SDK1: variants seen among roughly 807,000 people sequenced by gnomAD.
The protein encoded by SDK1 is sidekick cell adhesion molecule 1, also known as protein sidekick-1.
In SDK1, 157 loss-of-function variants were observed where a neutral mutation model predicts 245.5. The ratio of observed to expected loss-of-function variants is 0.64; its 90% CI spans 0.56 to 0.73. SDK1 has a LOEUF of 0.73. Ranked by LOEUF, SDK1 falls within the 30% of genes least tolerant of loss-of-function variation. SDK1 has a pLI of 0.00. For synonymous variants in SDK1, 1,647 were observed against 1,278.5 expected, an observed-to-expected ratio of 1.29 and a Z score of -6.15; for missense variants, 3,583 against 3,002.3, an observed-to-expected ratio of 1.19 and a Z score of -4.52.
At chr7:3,621,987 C>A (rs1015234540) in intron 2 of SDK1, among the ~76,000 whole-genome samples, 2 of 152,054 alleles carry the variant, frequency 1.3e-5, no homozygotes, top group African/African-American at 4.8e-5. Flanking sequence ...TATTATAAAG[C>A]AGGCTTTGTG....
chr7:4,181,044 C>T (rs774737509), intron 35 of SDK1, among the ~76,000 whole-genome samples: 9 of 152,192 alleles, frequency 5.9e-5, no homozygotes, highest in African/African-American at 1.2e-4. Flanking sequence ...CAACATCCAT[C>T]GCTGGAGCTG....
At chr7:3,518,757 G>A (rs1425138691) in intron 1 of SDK1, among the ~76,000 whole-genome samples, 1 of 151,988 alleles carries the variant, frequency 6.6e-6, no homozygotes. Context: ...TCACTATGGA[G>A]AGCAGAGTGG....
chr7:3,454,964 C>T (rs982839147), intron 1 of SDK1, among the ~76,000 whole-genome samples: 9 of 152,062 alleles, frequency 5.9e-5, no homozygotes, highest in Non-Finnish European at 1.3e-4. Context: ...TGAGTGGTAC[C>T]GTTTCTCTGT....
chr7:4,132,070 T>G (rs868408222), intron 27 of SDK1, among the ~76,000 whole-genome samples: 5 of 152,168 alleles, frequency 3.3e-5, no homozygotes, highest in African/African-American at 9.7e-5. Context: ...GCATAGTTCG[T>G]GAACCCTGCT....
chr7:3,571,980 G>A (rs1780130780), intron 1 of SDK1, among the ~76,000 whole-genome samples: 1 of 151,942 alleles, frequency 6.6e-6, no homozygotes, highest in African/African-American at 2.4e-5. Context: ...TCTGCTGTTA[G>A]GAAAAATTTT....
chr7:4,067,509 C>G (rs542794949), intron 19 of SDK1, among the ~76,000 whole-genome samples: 2 of 152,306 alleles, frequency 1.3e-5, no homozygotes, highest in East Asian at 3.9e-4. Flanking sequence ...TCAGAGGAGG[C>G]AGTTGCTCTT....
rs35136795 is a variant in SDK1 at position 3,321,794 on chromosome 7, T to TTCTCCC, written c.298+19912_298+19913insTCCCTC. On this transcript the variant is annotated intron_variant, in intron 1 of 44. Transcript: ENST00000404826. ...TCCTTCCTTCTCCTTCCTTCCTTCC[T>TTCTCCC]TCCTTCCTTCCTTCCTTCCTTCCTT... is the stretch of plus-strand genomic sequence containing the variant. Among the ~76,000 whole-genome samples the TTCTCCC allele has an allele frequency of 2.0e-4, 19 of 96,046 alleles. 2 individuals carry two copies. The highest frequency in any genetic ancestry group is 6.1e-4 in the African/African-American group (13 of 21,442). The allele number at this position is 96,046 out of a possible 152,430, so 63.0% of individuals were successfully genotyped here.
intron 1 of SDK1, among the ~76,000 whole-genome samples, chr7:3,515,839 A>C (rs60268542): frequency 0.23 from 34,513 of 152,130 alleles, 4,299 homozygotes; most frequent in East Asian, 0.33. Context: ...TCAGTTTTTG[A>C]AGATTGAAAC....
At chr7:4,136,133 C>T (rs1233660547) in intron 28 of SDK1, among the ~76,000 whole-genome samples, 2 of 152,174 alleles carry the variant, frequency 1.3e-5, no homozygotes, top group Non-Finnish European at 2.9e-5. Context: ...CTGAACGCTG[C>T]TGAATCACAC....
At chr7:4,220,412 C>A (rs1372874010) in intron 39 of SDK1, 142 bp downstream of exon 39, 1 of 825,554 alleles carries the variant, frequency 1.2e-6, no homozygotes. Context: ...GATGTCTGGG[C>A]AACATGGACG....
intron 4 of SDK1, among the ~76,000 whole-genome samples, chr7:3,772,887 C>A (rs2115001884): frequency 6.6e-6 from 1 of 152,178 alleles, no homozygotes; most frequent in Non-Finnish European, 1.5e-5. Context: ...TTCAAATTTT[C>A]TGATAACAAA....
chr7:3,748,292 G>T (rs569469570), intron 4 of SDK1, among the ~76,000 whole-genome samples: 1 of 152,192 alleles, frequency 6.6e-6, no homozygotes, highest in African/African-American at 2.4e-5. Context: ...CTTTTTTATA[G>T]TTCCTTTATT....
chr7:3,829,938 A>C (rs555963514), intron 5 of SDK1, among the ~76,000 whole-genome samples: 2 of 152,306 alleles, frequency 1.3e-5, no homozygotes, highest in East Asian at 3.9e-4. Flanking sequence ...TGGGAGATGC[A>C]CTGGAGTCAG....
At chr7:3,584,849 G>A (rs371315317) in intron 1 of SDK1, among the ~76,000 whole-genome samples, 22 of 151,742 alleles carry the variant, frequency 1.4e-4, no homozygotes, top group African/African-American at 4.6e-4. Context: ...TCAGCCTCCC[G>A]AGTAGCTGGG....
intron 13 of SDK1, among the ~76,000 whole-genome samples, chr7:3,975,737 A>G (rs1184568902): frequency 1.3e-5 from 2 of 152,248 alleles, no homozygotes; most frequent in East Asian, 3.8e-4. Flanking sequence ...CCTGAAAAAC[A>G]TCCCATCCCA....
chr7:3,722,406 C>T (rs1336756375), intron 4 of SDK1, among the ~76,000 whole-genome samples: 1 of 152,070 alleles, frequency 6.6e-6, no homozygotes, highest in South Asian at 2.1e-4. Context: ...GGGAGTCAGC[C>T]CAGGGTAGAG....
chr7:3,868,338 A>G (rs1780871062), intron 5 of SDK1, among the ~76,000 whole-genome samples: 1 of 152,324 alleles, frequency 6.6e-6, no homozygotes, highest in Non-Finnish European at 1.5e-5. Context: ...CACTGTAGTT[A>G]TTAAATACCA....
At chr7:4,154,898 C>T (rs1479536680) in intron 30 of SDK1, among the ~76,000 whole-genome samples, 4 of 151,864 alleles carry the variant, frequency 2.6e-5, no homozygotes, top group African/African-American at 9.7e-5. Flanking sequence ...GCATTTGTCC[C>T]TTTATCATGG....
chr7:4,199,037 C>A (rs946386576), intron 35 of SDK1, among the ~76,000 whole-genome samples: 1 of 152,028 alleles, frequency 6.6e-6, no homozygotes, highest in African/African-American at 2.4e-5. Flanking sequence ...CTTGTCTTGA[C>A]CTCCTGACTT....
Sources: allele counts gnomAD v4.1 joint callset (sites outside exome capture counted in the v4.1 genomes callset), GRCh38; gene constraint gnomAD v4.1.1; transcripts MANE v1.5; gene names NCBI Gene and HGNC (gene_info 2026-07-23, HGNC 2026-07-21).